The following SLC25A21 variants were observed in gnomAD, a reference collection of about 807,000 sequenced individuals.
SLC25A21 encodes solute carrier family 25 member 21, also known as mitochondrial 2-oxodicarboxylate carrier.
Under a neutral mutation model 43.8 loss-of-function variants are expected in SLC25A21, and 47 were observed. The ratio of observed to expected loss-of-function variants is 1.07; its 90% confidence interval spans 0.85 to 1.37. SLC25A21 has a LOEUF of 1.37. Among genes scored for constraint, SLC25A21 ranks in the 40% most tolerant of loss-of-function variants. The probability of loss-of-function intolerance (pLI) is 0.00; values close to 1 mark genes in which losing one functional copy is unlikely to be tolerated. For missense variants in SLC25A21, 352 were observed against 350.2 expected (o/e 1.00, Z -0.04); for synonymous variants, 131 against 121.3 (o/e 1.08, Z -0.52).
At chr14:36,759,587 T>C (rs1465851787) in intron 3 of SLC25A21, 2 of 152,142 alleles carry the variant, frequency 1.3e-5, no homozygotes, top group Admixed American at 1.3e-4. Context: ...GAAAACCAAG[T>C]CCCCAAAGGG....
intron 2 of SLC25A21, among the ~76,000 whole-genome samples, chr14:36,852,208 T>C (rs1566675346): frequency 6.6e-6 from 1 of 152,066 alleles, no homozygotes; most frequent in Non-Finnish European, 1.5e-5. Flanking sequence ...ATAGCCAAAA[T>C]GCAAAACCAC....
At chr14:37,144,360 T>C (rs1963623303) in intron 1 of SLC25A21, among the ~76,000 whole-genome samples, 1 of 152,214 alleles carries the variant, frequency 6.6e-6, no homozygotes, top group African/African-American at 2.4e-5. Context: ...TTACTATGAA[T>C]GATAAATAGA....
At chr14:36,852,677 G>A (rs1889778587) in intron 2 of SLC25A21, among the ~76,000 whole-genome samples, 1 of 152,144 alleles carries the variant, frequency 6.6e-6, no homozygotes, top group Non-Finnish European at 1.5e-5. Flanking sequence ...GTGTGTTTAT[G>A]TGTGAGCATG....
At chr14:36,891,904 T>A (rs1032315331) in intron 1 of SLC25A21, among the ~76,000 whole-genome samples, 1 of 152,124 alleles carries the variant, frequency 6.6e-6, no homozygotes, top group Non-Finnish European at 1.5e-5. Context: ...ATAGCGACCA[T>A]GAAGAACAGA....
At chr14:36,854,639 TATG>T (rs1457553826) in intron 2 of SLC25A21, among the ~76,000 whole-genome samples, 5 of 152,194 alleles carry the variant, frequency 3.3e-5, no homozygotes, top group Non-Finnish European at 5.9e-5. Flanking sequence ...CCATTATCAC[TATG>T]ATGTGTTTTT....
intron 2 of SLC25A21, among the ~76,000 whole-genome samples, chr14:36,852,857 T>C (rs970915608): frequency 1.3e-5 from 2 of 152,176 alleles, no homozygotes; most frequent in African/African-American, 4.8e-5. Context: ...GAAACACTAC[T>C]AAAATTTTAC....
chr14:36,816,647 G>A (rs561896013), intron 2 of SLC25A21, among the ~76,000 whole-genome samples: 1 of 151,990 alleles, frequency 6.6e-6, no homozygotes, highest in Non-Finnish European at 1.5e-5. Flanking sequence ...CTACAGGCAT[G>A]CACCATCATG....
chr14:37,039,953 G>C (rs1225922689), intron 1 of SLC25A21, among the ~76,000 whole-genome samples: 1 of 152,028 alleles, frequency 6.6e-6, no homozygotes, highest in Non-Finnish European at 1.5e-5. Flanking sequence ...CCAATACTTT[G>C]GGAGGCCTAG....
At chr14:36,832,158 G>C (rs1479766904) in intron 2 of SLC25A21, among the ~76,000 whole-genome samples, 3 of 152,148 alleles carry the variant, frequency 2.0e-5, no homozygotes, top group Non-Finnish European at 2.9e-5. Flanking sequence ...AGCTGGAGCT[G>C]TTTGTGGAAA....
intron 1 of SLC25A21, among the ~76,000 whole-genome samples, chr14:37,171,281 G>A (rs1019554025): frequency 2.6e-5 from 4 of 152,158 alleles, no homozygotes; most frequent in African/African-American, 4.8e-5. Flanking sequence ...TGAGATGCAA[G>A]TAGATCATGA....
chr14:37,163,650 A>T (rs570160478), intron 1 of SLC25A21, among the ~76,000 whole-genome samples: 11 of 152,302 alleles, frequency 7.2e-5, no homozygotes, highest in African/African-American at 2.6e-4. Flanking sequence ...CCTTTCATTC[A>T]TTGCCATTTT....
chr14:36,720,006 C>T (rs1884312212), intron 6 of SLC25A21, among the ~76,000 whole-genome samples: 1 of 152,138 alleles, frequency 6.6e-6, no homozygotes, highest in Non-Finnish European at 1.5e-5. Context: ...CACTTGGATC[C>T]CGGCTACAGG....
At chr14:36,748,592 T>G (rs1170400358) in intron 3 of SLC25A21, among the ~76,000 whole-genome samples, 2 of 152,172 alleles carry the variant, frequency 1.3e-5, no homozygotes, top group Non-Finnish European at 2.9e-5. Flanking sequence ...CCTACCAAAC[T>G]CCTTCAGTCA....
chr14:36,823,898 T>C (rs770027752), intron 2 of SLC25A21, among the ~76,000 whole-genome samples: 5 of 152,172 alleles, frequency 3.3e-5, no homozygotes, highest in Non-Finnish European at 4.4e-5. Flanking sequence ...CATTAGCTCA[T>C]TGTTCAGGAT....
intron 1 of SLC25A21, among the ~76,000 whole-genome samples, chr14:36,918,906 CTTATT>C (rs1282818032): frequency 2.0e-5 from 3 of 152,000 alleles, no homozygotes; most frequent in Admixed American, 2.0e-4. Flanking sequence ...TTCTCTCTCT[CTTATT>C]TAACAACCCT....
chr14:37,009,616 C>A (rs936747055), intron 1 of SLC25A21, among the ~76,000 whole-genome samples: 1 of 152,192 alleles, frequency 6.6e-6, no homozygotes, highest in Non-Finnish European at 1.5e-5. Context: ...TCATTGGTGA[C>A]ATTTCTGAAG....
chr14:36,734,224 A>G (rs1884941641), intron 4 of SLC25A21, among the ~76,000 whole-genome samples: 1 of 152,046 alleles, frequency 6.6e-6, no homozygotes, highest in African/African-American at 2.4e-5. Context: ...GAAAGGTCCA[A>G]GCTATTTTGT....
At chr14:36,960,469 A>G (rs1410536684) in intron 1 of SLC25A21, among the ~76,000 whole-genome samples, 1 of 152,172 alleles carries the variant, frequency 6.6e-6, no homozygotes, top group Non-Finnish European at 1.5e-5. Flanking sequence ...TTCAAATCAT[A>G]GTAAGATTTG....
intron 1 of SLC25A21, among the ~76,000 whole-genome samples, chr14:37,128,538 C>CTCTCTGTGTGTGTG (rs1555348857): frequency 1.3e-4 from 16 of 122,792 alleles, no homozygotes; most frequent in African/African-American, 2.5e-4. Flanking sequence ...CTCTCTCTCT[C>CTCTCTGTGTGTGTG]TGTGTGTGTG....
Sources: allele counts gnomAD v4.1 joint callset (sites outside exome capture counted in the v4.1 genomes callset), GRCh38; gene constraint gnomAD v4.1.1; transcripts MANE v1.5; gene names NCBI Gene and HGNC (gene_info 2026-07-23, HGNC 2026-07-21).